MAGI2: variants seen among roughly 807,000 people sequenced by gnomAD.
MAGI2 encodes the protein membrane-associated guanylate kinase, WW and PDZ domain-containing protein 2.
Under a neutral mutation model 133.3 loss-of-function variants are expected in MAGI2, and 35 were observed. The ratio of observed to expected loss-of-function variants is 0.26; its 90% CI spans 0.20 to 0.35. The LOEUF (loss-of-function observed/expected upper bound fraction) is 0.35. MAGI2 is among the 10% of genes least tolerant of loss of function. The probability of loss-of-function intolerance (pLI) is 1.00; values close to 1 mark genes in which losing one functional copy is unlikely to be tolerated. For missense variants in MAGI2, 1,636 were observed against 1,863.4 expected, an observed-to-expected ratio of 0.88 and a Z score of 2.25; for synonymous variants, 729 against 710.6, an observed-to-expected ratio of 1.03 and a Z score of -0.41.
intron 10 of MAGI2, among the ~76,000 whole-genome samples, chr7:78,205,417 C>A (rs1232063444): frequency 6.6e-6 from 1 of 152,210 alleles, no homozygotes; most frequent in Non-Finnish European, 1.5e-5. Context: ...CAGATGTGAG[C>A]CACTGCGCCT....
At chr7:78,651,069 G>A (rs1408067374) in intron 2 of MAGI2, among the ~76,000 whole-genome samples, 1 of 152,000 alleles carries the variant, frequency 6.6e-6, no homozygotes, top group African/African-American at 2.4e-5. Flanking sequence ...TGTTATCCTT[G>A]AAGATTCTTA....
rs1224982905 is a variant in MAGI2 at position 79,010,057 on chromosome 7, T to C, written c.302-2851A>G. On this transcript the variant is annotated intron_variant, in intron 1 of 21. Transcript: ENST00000354212. ...ACACATATATATATACACACACATG[T>C]TATATGCATATGTATATATACACAT... Among the ~76,000 whole-genome samples, 2 of 152,094 alleles carry C rather than the reference T, an allele frequency of 1.3e-5. 1 individual carries two copies. Among genetic ancestry groups the C allele is most frequent in the Non-Finnish European group, 2.9e-5 (2 of 67,982 alleles).
At chr7:78,704,778 C>CTTTTTTTTTTTCT (rs1554535242) in intron 2 of MAGI2, among the ~76,000 whole-genome samples, 3 of 47,328 alleles carry the variant, frequency 6.3e-5, no homozygotes, top group Non-Finnish European at 1.5e-4. Flanking sequence ...GGCCATTATT[C>CTTTTTTTTTTTCT]TTTTTTTTTT....
At chr7:78,285,412 G>A (rs1035917613) in intron 9 of MAGI2, among the ~76,000 whole-genome samples, 7 of 152,038 alleles carry the variant, frequency 4.6e-5, no homozygotes, top group African/African-American at 1.7e-4. Context: ...GAGTAATTTT[G>A]CTAGTCATTT....
chr7:78,644,532 A>G (rs1444070650), intron 2 of MAGI2, among the ~76,000 whole-genome samples: 1 of 152,188 alleles, frequency 6.6e-6, no homozygotes. Flanking sequence ...AGATATTTGG[A>G]AACTAACACA....
At chr7:79,166,553 A>T (rs892964908) in intron 1 of MAGI2, among the ~76,000 whole-genome samples, 1 of 152,144 alleles carries the variant, frequency 6.6e-6, no homozygotes, top group Non-Finnish European at 1.5e-5. Context: ...GTGAAATAGT[A>T]AATTTATATT....
chr7:78,200,985 G>A (rs985947132), intron 11 of MAGI2, among the ~76,000 whole-genome samples, 177 bp downstream of exon 11: 4 of 152,182 alleles, frequency 2.6e-5, no homozygotes, highest in Non-Finnish European at 5.9e-5. Context: ...GGTAAGGTGA[G>A]TGACTCATGT....
chr7:79,053,133 C>T (rs558376089), intron 1 of MAGI2, among the ~76,000 whole-genome samples: 29 of 152,054 alleles, frequency 1.9e-4, no homozygotes, highest in African/African-American at 3.4e-4. Flanking sequence ...CCACCACGCC[C>T]GGCTAATTTT....
intron 2 of MAGI2, among the ~76,000 whole-genome samples, chr7:78,836,965 A>G (rs1330499): frequency 0.09 from 13,658 of 152,232 alleles, 741 homozygotes; most frequent in Middle Eastern, 0.15. Context: ...CATGCAGGTA[A>G]TAATAACTAG....
At chr7:78,445,299 C>T (rs1285188246) in intron 6 of MAGI2, among the ~76,000 whole-genome samples, 2 of 152,026 alleles carry the variant, frequency 1.3e-5, no homozygotes, top group African/African-American at 4.8e-5. Context: ...TATTTATATG[C>T]TGTTGTTCAC....
At chr7:78,826,360 A>T (rs896408827) in intron 2 of MAGI2, among the ~76,000 whole-genome samples, 1 of 151,540 alleles carries the variant, frequency 6.6e-6, no homozygotes. Flanking sequence ...CTAAAAAAAA[A>T]AAAAAAAAAA....
intron 4 of MAGI2, among the ~76,000 whole-genome samples, chr7:78,513,806 G>A (rs1307327283): frequency 6.6e-6 from 1 of 152,032 alleles, no homozygotes; most frequent in Non-Finnish European, 1.5e-5. Context: ...GAAATGAAGA[G>A]GGCCGGGTGC....
chr7:79,452,972 G>T, intron 1 of MAGI2, 48 bp downstream of exon 1: 2 of 1,502,684 alleles, frequency 1.3e-6, no homozygotes, highest in South Asian at 1.3e-5. Flanking sequence ...CCTGCGCCCC[G>T]AGCGGTCCCA....
chr7:78,075,129 C>T (rs1356435569), intron 21 of MAGI2, among the ~76,000 whole-genome samples: 3 of 152,186 alleles, frequency 2.0e-5, no homozygotes, highest in Non-Finnish European at 4.4e-5. Flanking sequence ...ATGTGCTGGG[C>T]AGAGGGTCCC....
intron 12 of MAGI2, among the ~76,000 whole-genome samples, chr7:78,185,979 T>C (rs1460778433): frequency 6.6e-6 from 1 of 152,168 alleles, no homozygotes. Flanking sequence ...AGAATACTTA[T>C]TTGAAAGTAA....
At chr7:79,367,018 G>A (rs1401613037) in intron 1 of MAGI2, among the ~76,000 whole-genome samples, 1 of 152,164 alleles carries the variant, frequency 6.6e-6, no homozygotes, top group Non-Finnish European at 1.5e-5. Context: ...TCTAGATACA[G>A]GTGAACTTCT....
intron 2 of MAGI2, among the ~76,000 whole-genome samples, chr7:78,740,671 G>A (rs1231301856): frequency 6.6e-6 from 1 of 152,132 alleles, no homozygotes; most frequent in Non-Finnish European, 1.5e-5. Flanking sequence ...CTAGAGACCA[G>A]TCAATTAAGT....
intron 2 of MAGI2, among the ~76,000 whole-genome samples, chr7:78,889,969 G>A (rs916785171): frequency 7.2e-5 from 11 of 152,208 alleles, no homozygotes; most frequent in Non-Finnish European, 8.8e-5. Flanking sequence ...TCAGTGTGCT[G>A]TATTCAGGAG....
At chr7:78,731,807 T>C (rs1447750758) in intron 2 of MAGI2, among the ~76,000 whole-genome samples, 1 of 152,126 alleles carries the variant, frequency 6.6e-6, no homozygotes, top group Non-Finnish European at 1.5e-5. Flanking sequence ...TTTAAGTAAG[T>C]TGTTCTCCCA....
Sources: allele counts gnomAD v4.1 joint callset (sites outside exome capture counted in the v4.1 genomes callset), GRCh38; gene constraint gnomAD v4.1.1; transcripts MANE v1.5; gene names NCBI Gene and HGNC (gene_info 2026-07-23, HGNC 2026-07-21).